STK3: variants seen among roughly 807,000 people sequenced by gnomAD.
The protein encoded by STK3 is serine/threonine kinase 3, also known as serine/threonine-protein kinase 3.
In STK3, 41 loss-of-function variants were observed where a neutral mutation model predicts 58.0. That is an observed-to-expected ratio of 0.71 (90% CI 0.55 to 0.92). The LOEUF (loss-of-function observed/expected upper bound fraction) is 0.92. Ranked by LOEUF, STK3 falls within the 40% of genes least tolerant of loss-of-function variation. The probability of loss-of-function intolerance (pLI) is 0.00; values close to 1 mark genes in which losing one functional copy is unlikely to be tolerated. For missense variants in STK3, 479 were observed against 602.7 expected (o/e 0.79, Z 2.15); for synonymous variants, 170 against 191.0 (o/e 0.89, Z 0.91).
rs571423996 is a variant in STK3 at position 98,529,873 on chromosome 8, G to A, written c.1142-2956C>T. ...TGGTGGTTGCTAGGGACTAAGAGGA[G>A]TGGGAAATGGGGAGTCGGCGTTTAA... On this transcript the variant is annotated intron_variant, in intron 9 of 10. Transcript: ENST00000419617. Among the ~76,000 whole-genome samples, 15 of 152,318 alleles carry A rather than the reference G, an allele frequency of 9.8e-5. No individual in the cohort carries two copies. The East Asian group carries it at 2.5e-3, about 25-fold the overall frequency.
At chr8:98,440,492 T>C (rs1375915677) in intron 1 of STK3, among the ~76,000 whole-genome samples, 1 of 152,154 alleles carries the variant, frequency 6.6e-6, no homozygotes, top group Non-Finnish European at 1.5e-5. Context: ...CTGTGCCCAG[T>C]AAACAATAGT....
At chr8:98,508,774 G>T (rs1246954624) in intron 10 of STK3, among the ~76,000 whole-genome samples, 1 of 151,952 alleles carries the variant, frequency 6.6e-6, no homozygotes, top group African/African-American at 2.4e-5. Context: ...TAACAATTTA[G>T]GACTAACAAT....
chr8:98,389,628 T>C (rs1442133157), upstream of STK3, among the ~76,000 whole-genome samples: 1 of 151,868 alleles, frequency 6.6e-6, no homozygotes, highest in East Asian at 1.9e-4. Flanking sequence ...TATGACTGCA[T>C]GCAGACAAAC....
intron 6 of STK3, among the ~76,000 whole-genome samples, chr8:98,692,364 A>G (rs1369400057): frequency 6.6e-6 from 1 of 152,230 alleles, no homozygotes; most frequent in African/African-American, 2.4e-5. Flanking sequence ...TATACATACA[A>G]AGAAATATTA....
intron 2 of STK3, among the ~76,000 whole-genome samples, chr8:98,436,083 C>T (rs1027562468): frequency 6.6e-6 from 1 of 152,160 alleles, no homozygotes; most frequent in African/African-American, 2.4e-5. Flanking sequence ...AGTGGCCTGT[C>T]CTCAAGCTCC....
intron 10 of STK3, among the ~76,000 whole-genome samples, chr8:98,495,495 G>C (rs139636336): frequency 1.4e-4 from 21 of 152,270 alleles, no homozygotes; most frequent in African/African-American, 5.1e-4. Flanking sequence ...TCTCACTAGA[G>C]ATGGATAATG....
chr8:98,916,042 T>C (rs1839336137), intron 1 of STK3, among the ~76,000 whole-genome samples: 1 of 152,180 alleles, frequency 6.6e-6, no homozygotes, highest in Non-Finnish European at 1.5e-5. Flanking sequence ...TTTTTTTTCC[T>C]GCTTTGGCAT....
intron 1 of STK3, among the ~76,000 whole-genome samples, chr8:98,777,903 T>C (rs893577323): frequency 6.6e-5 from 10 of 152,186 alleles, no homozygotes; most frequent in Non-Finnish European, 1.0e-4. Flanking sequence ...GATTTACATG[T>C]TAGACCTAAA....
intron 1 of STK3, among the ~76,000 whole-genome samples, chr8:98,380,860 T>C (rs2131000538): frequency 6.6e-6 from 1 of 152,208 alleles, no homozygotes; most frequent in South Asian, 2.1e-4. Flanking sequence ...TTGTAGGTTA[T>C]CTTATAACAA....
chr8:98,912,205 C>G (rs562038436), intron 1 of STK3, among the ~76,000 whole-genome samples: 1 of 152,070 alleles, frequency 6.6e-6, no homozygotes, highest in Non-Finnish European at 1.5e-5. Flanking sequence ...ATGGCAAAAC[C>G]TCGTCTCTAC....
intron 6 of STK3, among the ~76,000 whole-genome samples, chr8:98,702,190 T>C (rs1353790267): frequency 4.6e-5 from 7 of 152,220 alleles, no homozygotes; most frequent in Admixed American, 4.6e-4. Context: ...TTCTTCTTAT[T>C]AGAAAATTTC....
intron 6 of STK3, chr8:98,597,891 C>T: frequency 1.0e-6 from 1 of 984,056 alleles, no homozygotes; most frequent in Non-Finnish European, 1.2e-6. Context: ...ATTCTGCCTG[C>T]AAATAACCTA....
chr8:98,893,470 GA>G (rs530413820), intron 1 of STK3, among the ~76,000 whole-genome samples: 1 of 76,356 alleles, frequency 1.3e-5, no homozygotes, highest in Non-Finnish European at 2.4e-5. Context: ...AAGAAAGAAA[GA>G]AAGAAAGAAA....
At chr8:98,851,948 A>T (rs2131832154) in intron 3 of STK3, among the ~76,000 whole-genome samples, 1 of 152,284 alleles carries the variant, frequency 6.6e-6, no homozygotes, top group East Asian at 1.9e-4. Context: ...TGATTGTATC[A>T]CTGTACTCCA....
chr8:98,755,239 GCATTTCACCAGATGTT>G (rs1830218892), intron 3 of STK3, among the ~76,000 whole-genome samples: 1 of 152,160 alleles, frequency 6.6e-6, no homozygotes, highest in African/African-American at 2.4e-5. Flanking sequence ...CTCGGGCCAG[GCATTTCACCAGATGTT>G]CAGTATGCAC....
intron 6 of STK3, among the ~76,000 whole-genome samples, chr8:98,663,381 G>T (rs1475971320): frequency 6.6e-6 from 1 of 152,190 alleles, no homozygotes; most frequent in Non-Finnish European, 1.5e-5. Flanking sequence ...ACAGGTGCTA[G>T]AGAGGATGTG....
chr8:98,841,190 A>G (rs1170257426), intron 3 of STK3, among the ~76,000 whole-genome samples: 2 of 152,202 alleles, frequency 1.3e-5, no homozygotes, highest in Non-Finnish European at 2.9e-5. Flanking sequence ...TCTCTGTTCT[A>G]TCAGGTAGAA....
intron 8 of STK3, among the ~76,000 whole-genome samples, chr8:98,551,289 C>T (rs556410267): frequency 2.0e-4 from 30 of 152,276 alleles, no homozygotes; most frequent in African/African-American, 7.2e-4. Flanking sequence ...AATTTATGAT[C>T]TCATATTGCA....
chr8:98,573,993 G>A (rs1813182634), intron 8 of STK3, among the ~76,000 whole-genome samples: 1 of 151,874 alleles, frequency 6.6e-6, no homozygotes, highest in South Asian at 2.1e-4. Context: ...ATTATCATGA[G>A]AACAGCATGT....
Sources: gnomAD v4.1 joint callset for allele counts (sites outside exome capture counted in the v4.1 genomes callset) on GRCh38, gnomAD v4.1.1 for gene constraint, MANE v1.5 for transcripts, NCBI Gene and HGNC (gene_info 2026-07-23, HGNC 2026-07-21) for gene names.